PRELID3A: variants seen among roughly 807,000 people sequenced by gnomAD.
The protein encoded by PRELID3A is PRELI domain containing 3A, also known as PRELI domain containing protein 3A.
A neutral mutation model predicts 23.0 loss-of-function variants in PRELID3A; 27 were observed. That is an observed-to-expected ratio of 1.17 (90% confidence interval 0.87 to 1.62). PRELID3A has a LOEUF of 1.62. PRELID3A is among the 40% of genes most tolerant of loss of function. PRELID3A has a pLI of 0.00. For synonymous variants in PRELID3A, 87 were observed against 86.4 expected (o/e 1.01, Z -0.04); for missense variants, 231 against 231.4 (o/e 1.00, Z 0.01).
chr18:12,413,776 G>C (rs2029876680), intron 1 of PRELID3A, among the ~76,000 whole-genome samples: 2 of 152,146 alleles, frequency 1.3e-5, no homozygotes, highest in Admixed American at 1.3e-4. Context: ...TAGAGACGGG[G>C]TTTCGCCATG....
intron 1 of PRELID3A, among the ~76,000 whole-genome samples, chr18:12,411,983 T>C (rs1352864966): frequency 6.7e-6 from 1 of 149,958 alleles, no homozygotes; most frequent in Non-Finnish European, 1.5e-5. Context: ...CAGTCTCGGC[T>C]CACTGCAAGC....
rs189803857 is a variant in PRELID3A at position 12,412,172 on chromosome 18, G to A, written c.32+4165G>A. ...CCCAAAGTGCTGGGATTACAGGCATGAGCCACGGCGCCCGGCCTTTTTTTT... is the reference window on the plus strand; with the variant it reads ...CCCAAAGTGCTGGGATTACAGGCATAAGCCACGGCGCCCGGCCTTTTTTTT... On this transcript the variant is annotated intron_variant, in intron 1 of 6. Transcript: ENST00000440960. Among the ~76,000 whole-genome samples the A allele has an allele frequency of 3.1e-4, 47 of 150,064 alleles. No homozygotes were observed. In the East Asian group the frequency reaches 5.3e-3, roughly 17 times the overall value.
chr18:12,408,895 G>T (rs75292152), intron 1 of PRELID3A, among the ~76,000 whole-genome samples: 1 of 152,156 alleles, frequency 6.6e-6, no homozygotes, highest in African/African-American at 2.4e-5. Context: ...ATACTCCATA[G>T]AATTGTGCAA....
chr18:12,423,331 T>C (rs2030251546), intron 3 of PRELID3A, among the ~76,000 whole-genome samples: 1 of 152,044 alleles, frequency 6.6e-6, no homozygotes, highest in Admixed American at 6.6e-5. Flanking sequence ...GGGTTGTGTG[T>C]TGGGAAGAAT....
At chr18:12,427,142 G>A (rs2030406235) in intron 4 of PRELID3A, 31 bp downstream of exon 4, 1 of 1,601,418 alleles carries the variant, frequency 6.2e-7, no homozygotes, top group African/African-American at 1.3e-5. Flanking sequence ...TTGACACATT[G>A]AATGCCACGG....
At chr18:12,414,838 C>G (rs909676004) in intron 1 of PRELID3A, among the ~76,000 whole-genome samples, 1 of 152,022 alleles carries the variant, frequency 6.6e-6, no homozygotes, top group Non-Finnish European at 1.5e-5. Flanking sequence ...GGTGTGTGGC[C>G]CAAATGCTAA....
chr18:12,419,355 G>A (rs1322354102), intron 1 of PRELID3A, among the ~76,000 whole-genome samples: 1 of 144,996 alleles, frequency 6.9e-6, no homozygotes, highest in African/African-American at 2.6e-5. Flanking sequence ...TTGGCCAGGC[G>A]TGGTGGCTTA....
intron 5 of PRELID3A, among the ~76,000 whole-genome samples, chr18:12,429,018 G>A (rs1285366218): frequency 6.6e-6 from 1 of 152,204 alleles, no homozygotes; most frequent in Non-Finnish European, 1.5e-5. Flanking sequence ...GATGGGGTTG[G>A]GGGTGCGTGG....
At chr18:12,418,108 T>C (rs1027528601) in intron 1 of PRELID3A, among the ~76,000 whole-genome samples, 9 of 152,264 alleles carry the variant, frequency 5.9e-5, no homozygotes, top group Admixed American at 5.2e-4. Context: ...ATATTGAAAA[T>C]TGACCTCAAA....
chr18:12,431,649 G>C lies in PRELID3A; in HGVS notation c.*533G>C, dbSNP rs1228914002. Reference sequence around the variant, plus strand: ...CTGCTGGCCTCGGTGGGCTCTGACTGCGGGGCTCACGGGGCCTGGGGCCAT... The same window carrying C: ...CTGCTGGCCTCGGTGGGCTCTGACTCCGGGGCTCACGGGGCCTGGGGCCAT... On this transcript the variant is annotated 3_prime_UTR_variant, in exon 7 of 7. Transcript: ENST00000440960. 2 of 152,880 alleles carry C rather than the reference G, an allele frequency of 1.3e-5. No homozygotes were observed. The highest frequency in any genetic ancestry group is 4.8e-5 in the African/African-American group (2 of 41,446). 9.5% of individuals were successfully genotyped at this position (152,880 alleles called of 1,614,324 possible). A position where few individuals can be genotyped will look rare whatever the true frequency, so the allele number is the denominator to read the frequency against.
rs1351755329 is a variant in PRELID3A, at chr18:12,408,078, G to C, written c.32+71G>C. On this transcript the variant is annotated intron_variant, in intron 1 of 6. Transcript: ENST00000440960. ...TCCTGCTCCCGAGCCCGGCTGGAGCGGTCCAGGAAAGGCCGGACCTCACAG... is the reference window on the plus strand; with the variant it reads ...TCCTGCTCCCGAGCCCGGCTGGAGCCGTCCAGGAAAGGCCGGACCTCACAG... 9 of 1,207,156 alleles carry C rather than the reference G, an allele frequency of 7.5e-6. No homozygotes were observed. The South Asian group carries it at 3.1e-4, about 42-fold the overall frequency. 74.8% of individuals were successfully genotyped at this position (1,207,156 alleles called of 1,614,324 possible).
chr18:12,415,509 G>A (rs912387299), intron 1 of PRELID3A, among the ~76,000 whole-genome samples: 1 of 152,062 alleles, frequency 6.6e-6, no homozygotes, highest in Non-Finnish European at 1.5e-5. Flanking sequence ...CGCCCGCCTC[G>A]GCCTCCCAAA....
Position 12,422,024 on chromosome 18 carries a change from C to T in PRELID3A, c.291+395C>T, listed in dbSNP as rs537044001. On this transcript the variant is annotated intron_variant, in intron 3 of 6. Coordinates refer to ENST00000440960, the MANE Select transcript of PRELID3A (RefSeq NM_001142405.2). ...GTGTGGTCATAGCTCAGTGCAGCCTCGCACTCCTGGGCTCAAGTGATCCTC... is the reference window on the plus strand; with the variant it reads ...GTGTGGTCATAGCTCAGTGCAGCCTTGCACTCCTGGGCTCAAGTGATCCTC... Among the ~76,000 whole-genome samples, 257 of 151,682 alleles carry T rather than the reference C, an allele frequency of 1.7e-3. 1 individual carries two copies. Among genetic ancestry groups the T allele is most frequent in the Non-Finnish European group, 2.8e-3 (189 of 67,918 alleles).
rs2030605167 is a variant in PRELID3A at position 12,431,520 on chromosome 18, C to A, written c.*404C>A. Reference sequence around the variant, plus strand: ...CTCCACTTAGGCTCCTCCACAAACGCTGGCGGGTGTGCCGCCCTCCAGCCT... The same window carrying A: ...CTCCACTTAGGCTCCTCCACAAACGATGGCGGGTGTGCCGCCCTCCAGCCT... On this transcript the variant is annotated 3_prime_UTR_variant, in exon 7 of 7. Transcript: ENST00000440960. 6.7e-6 allele frequency: 1 copy of A among 149,690 alleles called. No individual in the cohort carries two copies. Among genetic ancestry groups the A allele is most frequent in the South Asian group, 2.1e-4 (1 of 4,736 alleles). 9.3% of individuals were successfully genotyped at this position (149,690 alleles called of 1,614,324 possible). A position where few individuals can be genotyped will look rare whatever the true frequency, so the allele number is the denominator to read the frequency against.
At chr18:12,408,028 G>A in intron 1 of PRELID3A, 21 bp downstream of exon 1, 1 of 1,258,774 alleles carries the variant, frequency 7.9e-7, no homozygotes, top group Non-Finnish European at 1.0e-6. Flanking sequence ...GCTGAGGGCC[G>A]CGGTGGGGCC....
At chr18:12,408,034 G>C in intron 1 of PRELID3A, 27 bp downstream of exon 1, 1 of 1,252,262 alleles carries the variant, frequency 8.0e-7, no homozygotes, top group Non-Finnish European at 1.0e-6. Flanking sequence ...GGCCGCGGTG[G>C]GGCCGTCCAG....
At chr18:12,411,838 A>AG (rs1196724994) in intron 1 of PRELID3A, among the ~76,000 whole-genome samples, 3 of 151,408 alleles carry the variant, frequency 2.0e-5, no homozygotes, top group African/African-American at 7.3e-5. Flanking sequence ...CATCCTTCTG[A>AG]GGGGGTCTAT....
intron 1 of PRELID3A, chr18:12,419,928 C>CAAA: frequency 5.3e-6 from 1 of 187,220 alleles, no homozygotes; most frequent in South Asian, 1.3e-4. Context: ...GACTCCGTCT[C>CAAA]AAACAAAAAA....
At chr18:12,429,574 G>A (rs2030498963) in intron 6 of PRELID3A, 138 bp downstream of exon 6, 1 of 579,212 alleles carries the variant, frequency 1.7e-6, no homozygotes. Flanking sequence ...GTTTTCCACG[G>A]TGACACAGAA....
Sources: gnomAD v4.1 joint callset for allele counts (sites outside exome capture counted in the v4.1 genomes callset) on GRCh38, gnomAD v4.1.1 for gene constraint, MANE v1.5 for transcripts, NCBI Gene and HGNC (gene_info 2026-07-23, HGNC 2026-07-21) for gene names.